The following PRKN variants were observed in gnomAD, a reference collection of about 807,000 sequenced individuals.
The protein encoded by PRKN is parkin RBR E3 ubiquitin protein ligase.
A neutral mutation model predicts 59.5 loss-of-function variants in PRKN; 56 were observed. The ratio of observed to expected loss-of-function variants is 0.94; its 90% CI spans 0.76 to 1.18. The LOEUF (loss-of-function observed/expected upper bound fraction) is 1.18. PRKN is among the 50% of genes most tolerant of loss of function. PRKN has a pLI of 0.00. For synonymous variants in PRKN, 250 were observed against 222.1 expected (o/e 1.13, Z -1.12); for missense variants, 657 against 596.4 (o/e 1.10, Z -1.06).
intron 2 of PRKN, among the ~76,000 whole-genome samples, chr6:162,316,503 A>G (rs1782759505): frequency 6.6e-6 from 1 of 152,140 alleles, no homozygotes; most frequent in South Asian, 2.1e-4. Flanking sequence ...ACTTTTTATA[A>G]GCTAAGTTTA....
chr6:161,819,926 A>G (rs1261398535), intron 6 of PRKN, among the ~76,000 whole-genome samples: 1 of 152,212 alleles, frequency 6.6e-6, no homozygotes, highest in African/African-American at 2.4e-5. Flanking sequence ...CCAAAACAGC[A>G]TAAAATTAAC....
intron 6 of PRKN, among the ~76,000 whole-genome samples, chr6:161,891,219 C>T (rs534997640): frequency 1.3e-5 from 2 of 152,286 alleles, no homozygotes; most frequent in East Asian, 3.9e-4. Context: ...CAGCGCCTCC[C>T]CTTCCCCTGG....
At chr6:162,598,819 C>G (rs1263160357) in intron 1 of PRKN, among the ~76,000 whole-genome samples, 2 of 145,366 alleles carry the variant, frequency 1.4e-5, no homozygotes, top group Admixed American at 1.4e-4. Context: ...CGCCACTGCA[C>G]TCCAACCTGG....
At chr6:161,992,136 C>T (rs966271523) in intron 5 of PRKN, among the ~76,000 whole-genome samples, 5 of 151,970 alleles carry the variant, frequency 3.3e-5, no homozygotes, top group East Asian at 1.9e-4. Flanking sequence ...GTCAAGAGTT[C>T]GAGACCAACC....
intron 2 of PRKN, among the ~76,000 whole-genome samples, chr6:162,299,733 T>C (rs1398526336): frequency 6.6e-6 from 1 of 152,020 alleles, no homozygotes; most frequent in Non-Finnish European, 1.5e-5. Context: ...GGCCATACAG[T>C]GGGCTGCAGG....
intron 6 of PRKN, among the ~76,000 whole-genome samples, chr6:161,972,730 T>C (rs569687618): frequency 6.6e-6 from 1 of 152,314 alleles, no homozygotes; most frequent in South Asian, 2.1e-4. Context: ...GTGGTGTTCA[T>C]AAATTTTTTT....
intron 1 of PRKN, among the ~76,000 whole-genome samples, chr6:162,544,150 T>G (rs1779028929): frequency 6.6e-6 from 1 of 152,178 alleles, no homozygotes; most frequent in South Asian, 2.1e-4. Flanking sequence ...AAACTTTTGT[T>G]GCATGGATAA....
intron 7 of PRKN, among the ~76,000 whole-genome samples, chr6:161,609,632 T>G (rs775541460): frequency 6.6e-6 from 1 of 152,154 alleles, no homozygotes; most frequent in Non-Finnish European, 1.5e-5. Flanking sequence ...GGGCCTGAGA[T>G]GATAATACAT....
chr6:162,105,641 C>A (rs576691661), intron 4 of PRKN, among the ~76,000 whole-genome samples: 1 of 152,302 alleles, frequency 6.6e-6, no homozygotes, highest in East Asian at 1.9e-4. Flanking sequence ...CTCACGTGAT[C>A]CACCTGCCTT....
intron 5 of PRKN, among the ~76,000 whole-genome samples, chr6:162,017,603 C>A (rs7758559): frequency 0.5 from 75,322 of 152,090 alleles, 18,943 homozygotes; most frequent in East Asian, 0.6. Context: ...TTTAACATTT[C>A]ATGCGATCAT....
In PRKN at chr6:161,413,149, A is replaced by C. The variant is rs1470700859; in HGVS notation, c.1084-26272T>G. On this transcript the variant is annotated intron_variant, in intron 9 of 11. Coordinates refer to ENST00000366898, the MANE Select transcript of PRKN (RefSeq NM_004562.3). This position sits in a 1 kb window ranked among gnomAD's most constrained non-coding sequence, Gnocchi z 4.4. ...AACACCAGGAGGTCAAGTACGTGGA[A>C]GTCTGAGGGGCGGAGGAATGTGCAT... Among the ~76,000 whole-genome samples the C allele has an allele frequency of 3.3e-5, 5 of 152,204 alleles. No individual in the cohort carries two copies. The highest frequency in any genetic ancestry group is 2.6e-4 in the Admixed American group (4 of 15,278).
chr6:162,387,307 G>T (rs1786883449), intron 2 of PRKN, among the ~76,000 whole-genome samples: 3 of 149,722 alleles, frequency 2.0e-5, no homozygotes, highest in Admixed American at 2.0e-4. Flanking sequence ...TATACTAAAG[G>T]TTATTATTCT....
intron 9 of PRKN, among the ~76,000 whole-genome samples, chr6:161,524,712 A>G (rs1250911756): frequency 6.6e-6 from 1 of 152,148 alleles, no homozygotes; most frequent in Non-Finnish European, 1.5e-5. Flanking sequence ...TATTTATCAA[A>G]TACTAAACAA....
intron 4 of PRKN, among the ~76,000 whole-genome samples, chr6:162,176,010 T>C (rs532900637): frequency 2.0e-5 from 3 of 152,336 alleles, no homozygotes; most frequent in Admixed American, 2.0e-4. Flanking sequence ...TCTTTTATAA[T>C]TAGTTGTAGA....
In PRKN at chr6:161,386,511, C is replaced by A. The variant is rs1047507478; in HGVS notation, c.1167+283G>T. Among the ~76,000 whole-genome samples the A allele has an allele frequency of 2.0e-5, 3 of 152,224 alleles. No individual in the cohort carries two copies. Among genetic ancestry groups the A allele is most frequent in the Non-Finnish European group, 4.4e-5 (3 of 68,034 alleles). ...ACTGTTAAGTTGTTTTATTTCCCCT[C>A]TAAGGACTCCTTTGAAAATGCTCAC... On this transcript the variant is annotated intron_variant, in intron 10 of 11. Coordinates refer to ENST00000366898, the MANE Select transcript of PRKN (RefSeq NM_004562.3). This position sits in a 1 kb window ranked among gnomAD's most constrained non-coding sequence, Gnocchi z 4.3.
intron 7 of PRKN, among the ~76,000 whole-genome samples, chr6:161,628,808 T>C (rs924936392): frequency 5.3e-5 from 8 of 152,126 alleles, no homozygotes; most frequent in Admixed American, 4.6e-4. Flanking sequence ...CCTGTGGGGA[T>C]GTAGAGGCGC....
chr6:162,263,170 G>A (rs967944713), intron 2 of PRKN: 19 of 259,596 alleles, frequency 7.3e-5, no homozygotes, highest in East Asian at 6.2e-4. Flanking sequence ...ACCTCTGCCT[G>A]CCGGGTTCAA....
Position 162,668,361 on chromosome 6 carries a change from T to C in PRKN, c.7+59301A>G, listed in dbSNP as rs534598387. 5.3e-5 allele frequency among the ~76,000 whole-genome samples: 8 copies of C among 152,340 alleles called. No individual in the cohort carries two copies. The South Asian group carries it at 1.7e-3, about 32-fold the overall frequency. On this transcript the variant is annotated intron_variant, in intron 1 of 11. Transcript: ENST00000366898. ...CAACATCTACTTTACCTTGTCATTGTTACTCTCCCGGTGGAATAAACAGAA... is the reference window on the plus strand; with the variant it reads ...CAACATCTACTTTACCTTGTCATTGCTACTCTCCCGGTGGAATAAACAGAA...
intron 1 of PRKN, among the ~76,000 whole-genome samples, chr6:162,555,110 C>T (rs9365460): frequency 0.27 from 41,301 of 151,868 alleles, 5,987 homozygotes; most frequent in East Asian, 0.49. Flanking sequence ...GATACCCCAA[C>T]GCAAACACAT....
Sources: allele counts gnomAD v4.1 joint callset (sites outside exome capture counted in the v4.1 genomes callset), GRCh38; gene constraint gnomAD v4.1.1; non-coding constraint Gnocchi (gnomAD v3.1); transcripts MANE v1.5; gene names NCBI Gene and HGNC (gene_info 2026-07-23, HGNC 2026-07-21).